The following FANCD2OS variants were observed in gnomAD, a reference collection of about 807,000 sequenced individuals.
FANCD2OS encodes the protein FANCD2 opposite strand protein.
A neutral mutation model predicts 13.2 loss-of-function variants in FANCD2OS; 11 were observed. That is an observed-to-expected ratio of 0.83 (90% CI 0.52 to 1.38). The LOEUF (loss-of-function observed/expected upper bound fraction) is 1.38. Among genes scored for constraint, FANCD2OS ranks in the 40% most tolerant of loss-of-function variants. FANCD2OS has a pLI of 0.00. For missense variants in FANCD2OS, 217 were observed against 213.9 expected, an observed-to-expected ratio of 1.01 and a Z score of -0.09; for synonymous variants, 69 against 84.5, an observed-to-expected ratio of 0.82 and a Z score of 1.01.
chr3:10,098,983 A>G, downstream of FANCD2OS: 2 of 1,614,120 alleles, frequency 1.2e-6, no homozygotes, highest in Non-Finnish European at 1.7e-6. Context: ...TTTGGGACCC[A>G]GAAGAAACAA....
downstream of FANCD2OS, chr3:10,098,837 G>C: frequency 6.2e-7 from 1 of 1,614,180 alleles, no homozygotes; most frequent in South Asian, 1.1e-5. Flanking sequence ...AAACCCACCA[G>C]AGTCTGGCAC....
At chr3:10,085,979 T>C (rs980259409) in intron 2 of FANCD2OS, 32 of 1,203,616 alleles carry the variant, frequency 2.7e-5, no homozygotes, top group Non-Finnish European at 2.6e-5. Flanking sequence ...AGGAACAGGA[T>C]TGGCAACTTT....
chr3:10,088,722 T>C, intron 2 of FANCD2OS: 2 of 1,288,454 alleles, frequency 1.6e-6, no homozygotes, highest in Non-Finnish European at 2.2e-6. Context: ...TTTTATACTG[T>C]TAGCTAACTG....
At chr3:10,106,100 C>T (rs942471736) in intron 1 of FANCD2OS, among the ~76,000 whole-genome samples, 3 of 151,964 alleles carry the variant, frequency 2.0e-5, no homozygotes, top group Admixed American at 1.3e-4. Context: ...AACTTGCAGA[C>T]CCCTGGGTTA....
intron 2 of FANCD2OS, chr3:10,094,149 C>A: frequency 2.9e-6 from 2 of 693,704 alleles, no homozygotes; most frequent in Non-Finnish European, 2.5e-6. Context: ...TCCAAATAAA[C>A]CTTTTGGACC....
chr3:10,099,654 AG>A (rs1169541548), downstream of FANCD2OS: 1 of 153,534 alleles, frequency 6.5e-6, no homozygotes, highest in African/African-American at 2.4e-5. Flanking sequence ...GCTACTTGGG[AG>A]GCTGAGGCAG....
chr3:10,092,046 T>C, intron 2 of FANCD2OS: 1 of 784,430 alleles, frequency 1.3e-6, no homozygotes, highest in Non-Finnish European at 2.3e-6. Context: ...GTGGATGCAC[T>C]GGTTGCTACA....
At chr3:10,089,041 G>T in intron 2 of FANCD2OS, 2 of 1,417,720 alleles carry the variant, frequency 1.4e-6, no homozygotes, top group Admixed American at 3.4e-5. Context: ...CCAGCACTTT[G>T]GGAGGCTGAG....
downstream of FANCD2OS, among the ~76,000 whole-genome samples, chr3:10,103,578 A>G (rs1288642842): frequency 6.6e-6 from 1 of 152,138 alleles, no homozygotes; most frequent in African/African-American, 2.4e-5. Flanking sequence ...CTGTCTCCAA[A>G]AACCAAAAAA....
At chr3:10,106,814 C>T (rs1222883932) in intron 1 of FANCD2OS, among the ~76,000 whole-genome samples, 5 of 151,964 alleles carry the variant, frequency 3.3e-5, no homozygotes, top group Non-Finnish European at 5.9e-5. Context: ...CTCAGGAGGC[C>T]GAAGCAGGAG....
chr3:10,096,138 A>G (rs554382679), intron 2 of FANCD2OS, among the ~76,000 whole-genome samples: 1 of 152,308 alleles, frequency 6.6e-6, no homozygotes, highest in East Asian at 1.9e-4. Context: ...TATGTCTTCT[A>G]GGCTTTGAAT....
intron 2 of FANCD2OS, among the ~76,000 whole-genome samples, chr3:10,087,672 G>A (rs909193005): frequency 1.3e-5 from 2 of 151,594 alleles, no homozygotes; most frequent in African/African-American, 4.8e-5. Flanking sequence ...TTTTGAGACA[G>A]AGTCTCGTTC....
intron 2 of FANCD2OS, among the ~76,000 whole-genome samples, chr3:10,084,751 C>T (rs1202916170): frequency 6.6e-6 from 1 of 152,170 alleles, no homozygotes; most frequent in Non-Finnish European, 1.5e-5. Flanking sequence ...GAAGATGCTT[C>T]TAGAGGAGAA....
downstream of FANCD2OS, chr3:10,098,853 G>A (rs142378663): frequency 6.2e-7 from 1 of 1,614,192 alleles, no homozygotes; most frequent in East Asian, 2.2e-5. Context: ...GGCACTGATG[G>A]TTGCATTTTG....
intron 2 of FANCD2OS, chr3:10,087,309 G>A (rs2125073433): frequency 6.7e-7 from 1 of 1,489,392 alleles, no homozygotes; most frequent in South Asian, 1.2e-5. Flanking sequence ...TTAATGAATA[G>A]GACTAATATC....
intron 2 of FANCD2OS, among the ~76,000 whole-genome samples, chr3:10,096,093 A>G (rs1694942225): frequency 6.6e-6 from 1 of 152,194 alleles, no homozygotes; most frequent in South Asian, 2.1e-4. Flanking sequence ...ATCGGCCAGT[A>G]AGAGGTTATG....
At chr3:10,084,983 G>A (rs186428466) in intron 2 of FANCD2OS, among the ~76,000 whole-genome samples, 2 of 152,316 alleles carry the variant, frequency 1.3e-5, no homozygotes, top group Admixed American at 1.3e-4. Context: ...ATTGATAGGG[G>A]CCTGGCCAAA....
Position 10,104,743 on chromosome 3 carries a change from G to A in FANCD2OS, c.32C>T (p.Thr11Ile). Reference protein sequence around the residue: MAGYQLWSPWTPLDESFQWLR... With the variant: MAGYQLWSPWIPLDESFQWLR... ...CCATTGGAAACTCTCATCCAGTGGG[G>A]TCCATGGTGACCAGAGCTGGTATCC... Residue 11 changes from threonine to isoleucine, a missense_variant, in exon 2 of 2, where the codon ACC (threonine) becomes ATC (isoleucine). By Grantham distance (89) the Thr-to-Ile change is moderately conservative. Coordinates refer to ENST00000450660, the MANE Select transcript of FANCD2OS (RefSeq NM_001164839.2). The A allele has an allele frequency of 6.2e-7, 1 of 1,602,328 alleles. No homozygotes were observed. Among genetic ancestry groups the A allele is most frequent in the Non-Finnish European group, 8.5e-7 (1 of 1,173,632 alleles).
chr3:10,100,005 G>A (rs757201786), downstream of FANCD2OS, among the ~76,000 whole-genome samples: 1 of 152,010 alleles, frequency 6.6e-6, no homozygotes, highest in Non-Finnish European at 1.5e-5. Context: ...AGACCAACCC[G>A]AGACCCCATC....
Sources: gnomAD v4.1 joint callset for allele counts (sites outside exome capture counted in the v4.1 genomes callset) on GRCh38, gnomAD v4.1.1 for gene constraint, MANE v1.5 for transcripts, NCBI Gene and HGNC (gene_info 2026-07-23, HGNC 2026-07-21) for gene names.